Variants in DPP10 observed in about 807,000 individuals in gnomAD.
The protein encoded by DPP10 is dipeptidyl peptidase like 10.
DPP10 carries 33 observed loss-of-function variants against 120.9 expected under a neutral mutation model. That is an observed-to-expected ratio of 0.27 (90% CI 0.21 to 0.37). The LOEUF (loss-of-function observed/expected upper bound fraction) is 0.37. Among genes scored for constraint, DPP10 ranks in the 10% least tolerant of loss-of-function variants. DPP10 has a pLI of 1.00. For missense variants in DPP10, 816 were observed against 942.8 expected, an observed-to-expected ratio of 0.87 and a Z score of 1.76; for synonymous variants, 337 against 326.1, an observed-to-expected ratio of 1.03 and a Z score of -0.36.
At chr2:115,375,160 T>A (rs2065694095) in intron 3 of DPP10, among the ~76,000 whole-genome samples, 1 of 152,196 alleles carries the variant, frequency 6.6e-6, no homozygotes, top group Admixed American at 6.5e-5. Context: ...TCAGACCATC[T>A]CTCAGGAAGG....
At chr2:115,450,377 C>G (rs2073008723) in intron 3 of DPP10, among the ~76,000 whole-genome samples, 1 of 151,934 alleles carries the variant, frequency 6.6e-6, no homozygotes, top group South Asian at 2.1e-4. Context: ...CTAACTTGAA[C>G]CAGCATAAGT....
chr2:115,378,734 C>A (rs1452294109), intron 3 of DPP10, among the ~76,000 whole-genome samples: 1 of 152,072 alleles, frequency 6.6e-6, no homozygotes, highest in Non-Finnish European at 1.5e-5. Context: ...CCCATCAATC[C>A]CTAATTTATT....
chr2:115,643,784 C>G (rs542641892), intron 5 of DPP10, among the ~76,000 whole-genome samples: 1 of 152,272 alleles, frequency 6.6e-6, no homozygotes, highest in Middle Eastern at 3.4e-3. Flanking sequence ...AGCAAAAACT[C>G]ATGAGTTTCT....
intron 4 of DPP10, among the ~76,000 whole-genome samples, chr2:115,520,665 G>A (rs903182594): frequency 3.3e-5 from 5 of 152,120 alleles, no homozygotes; most frequent in Non-Finnish European, 5.9e-5. Context: ...ATACCAACTT[G>A]TATTAATTGT....
intron 1 of DPP10, among the ~76,000 whole-genome samples, chr2:114,766,830 C>T (rs1323860021): frequency 1.3e-5 from 2 of 151,942 alleles, no homozygotes; most frequent in Admixed American, 1.3e-4. Context: ...CCTATGATGA[C>T]ACTGTTCTGC....
chr2:114,453,851 T>A (rs965250416), intron 1 of DPP10, among the ~76,000 whole-genome samples: 2 of 152,248 alleles, frequency 1.3e-5, no homozygotes, highest in South Asian at 2.1e-4. Context: ...TCTATCCATA[T>A]GTTAATTCAA....
intron 1 of DPP10, among the ~76,000 whole-genome samples, chr2:115,245,368 A>G (rs949891216): frequency 6.6e-6 from 1 of 152,102 alleles, no homozygotes; most frequent in Non-Finnish European, 1.5e-5. Context: ...CAACAAACAT[A>G]TGAAAAAAAA....
intron 3 of DPP10, among the ~76,000 whole-genome samples, chr2:115,367,019 T>C (rs1465849612): frequency 6.6e-6 from 1 of 152,044 alleles, no homozygotes; most frequent in Non-Finnish European, 1.5e-5. Flanking sequence ...TATACGAAGA[T>C]ATTTTCTGCA....
intron 1 of DPP10, among the ~76,000 whole-genome samples, chr2:115,150,354 A>T (rs2051467997): frequency 6.6e-6 from 1 of 152,180 alleles, no homozygotes; most frequent in East Asian, 1.9e-4. Context: ...CTAAAGGAAC[A>T]TCTTCTATTT....
intron 1 of DPP10, among the ~76,000 whole-genome samples, chr2:115,133,025 G>T (rs1047154426): frequency 6.6e-6 from 1 of 150,532 alleles, no homozygotes; most frequent in African/African-American, 2.4e-5. Context: ...CATGGGCTGG[G>T]GTTTGGAAAA....
intron 1 of DPP10, among the ~76,000 whole-genome samples, chr2:114,932,233 A>C (rs868117265): frequency 1.5e-4 from 23 of 152,238 alleles, no homozygotes; most frequent in Admixed American, 1.5e-3. Context: ...TAAAGTTTGA[A>C]AACTACTGCA....
At chr2:115,534,524 G>A (rs1017300226) in intron 5 of DPP10, among the ~76,000 whole-genome samples, 4 of 151,892 alleles carry the variant, frequency 2.6e-5, no homozygotes, top group South Asian at 2.1e-4. Context: ...TGGACATTTG[G>A]GTTGGTTCCA....
chr2:115,098,673 A>G lies in DPP10; in HGVS notation c.61-210566A>G, dbSNP rs370340826. 1.4e-4 allele frequency among the ~76,000 whole-genome samples: 22 copies of G among 152,288 alleles called. No homozygotes were observed. In the South Asian group the frequency reaches 4.1e-3, roughly 29 times the overall value. On this transcript the variant is annotated intron_variant, in intron 1 of 25. Coordinates refer to ENST00000410059, the MANE Select transcript of DPP10 (RefSeq NM_020868.6). ...TCAAAACGTCATTATGCGGTGCATG[A>G]GTGTATTAAGTTCTGGAATCAGCTC... is the stretch of plus-strand genomic sequence containing the variant.
At chr2:115,253,970 T>C (rs1369638392) in intron 1 of DPP10, among the ~76,000 whole-genome samples, 4 of 152,232 alleles carry the variant, frequency 2.6e-5, no homozygotes, top group Non-Finnish European at 4.4e-5. Context: ...TGAAGCAGGC[T>C]TCTGCCTGGG....
At chr2:115,608,320 G>A (rs1296439442) in intron 5 of DPP10, among the ~76,000 whole-genome samples, 2 of 152,118 alleles carry the variant, frequency 1.3e-5, no homozygotes, top group African/African-American at 4.8e-5. Flanking sequence ...TATCTGGGAA[G>A]CAGAAGCTGT....
At chr2:115,329,592 C>G (rs2062582461) in intron 2 of DPP10, among the ~76,000 whole-genome samples, 1 of 152,118 alleles carries the variant, frequency 6.6e-6, no homozygotes, top group East Asian at 1.9e-4. Context: ...CCCGCTCCCC[C>G]TACCCAATGA....
At chr2:115,568,261 G>A (rs922924270) in intron 5 of DPP10, among the ~76,000 whole-genome samples, 1 of 151,846 alleles carries the variant, frequency 6.6e-6, no homozygotes, top group African/African-American at 2.4e-5. Context: ...GAGGCGGGCA[G>A]ATCACGAGGT....
intron 1 of DPP10, among the ~76,000 whole-genome samples, chr2:115,242,529 A>C (rs998830386): frequency 6.6e-6 from 1 of 152,168 alleles, no homozygotes; most frequent in African/African-American, 2.4e-5. Flanking sequence ...GATACCCAAC[A>C]GTGTGATTGC....
At chr2:115,685,126 A>G (rs2090912938) in intron 5 of DPP10, among the ~76,000 whole-genome samples, 1 of 152,010 alleles carries the variant, frequency 6.6e-6, no homozygotes, top group African/African-American at 2.4e-5. Flanking sequence ...AGTATGAATA[A>G]TATTTACTTC....
Sources: allele counts gnomAD v4.1 joint callset (sites outside exome capture counted in the v4.1 genomes callset), GRCh38; gene constraint gnomAD v4.1.1; transcripts MANE v1.5; gene names NCBI Gene and HGNC (gene_info 2026-07-23, HGNC 2026-07-21).